RABGEF1: variants seen among roughly 807,000 people sequenced by gnomAD.
The protein encoded by RABGEF1 is rab5 GDP/GTP exchange factor.
Under a neutral mutation model 57.3 loss-of-function variants are expected in RABGEF1, and 26 were observed. The observed-to-expected ratio is 0.45, with a 90% CI of 0.33 to 0.63. RABGEF1 has a LOEUF of 0.63. Among genes scored for constraint, RABGEF1 ranks in the 20% least tolerant of loss-of-function variants. The probability of loss-of-function intolerance (pLI) is 0.02; values close to 1 mark genes in which losing one functional copy is unlikely to be tolerated. For synonymous variants in RABGEF1, 185 were observed against 210.7 expected (o/e 0.88, Z 1.06); for missense variants, 464 against 607.6 (o/e 0.76, Z 2.48).
At chr7:66,737,048 G>A (rs538497147), upstream of RABGEF1, among the ~76,000 whole-genome samples, 8 of 145,716 alleles carry the variant, frequency 5.5e-5, no homozygotes, top group Admixed American at 2.8e-4. Context: ...TATATATGAG[G>A]GGGGAGAGAG....
At chr7:66,709,508 G>A (rs1287900861) in intron 1 of RABGEF1, among the ~76,000 whole-genome samples, 1 of 152,006 alleles carries the variant, frequency 6.6e-6, no homozygotes, top group Non-Finnish European at 1.5e-5. Flanking sequence ...TTCAAATTGA[G>A]GCTGGGCGCA....
At chr7:66,757,514 C>G (rs1039066138) in intron 1 of RABGEF1, among the ~76,000 whole-genome samples, 1 of 152,202 alleles carries the variant, frequency 6.6e-6, no homozygotes, top group Non-Finnish European at 1.5e-5. Context: ...AAGTGCCTTT[C>G]GTGCAGTAAT....
intron 1 of RABGEF1, among the ~76,000 whole-genome samples, chr7:66,682,989 T>C (rs113047231): frequency 5.1e-3 from 776 of 152,166 alleles, no homozygotes; most frequent in Non-Finnish European, 7.9e-3. Flanking sequence ...CCAATCCTTG[T>C]GGTTGGGAAA....
chr7:66,797,167 G>A (rs750530809), intron 5 of RABGEF1, among the ~76,000 whole-genome samples: 21 of 151,714 alleles, frequency 1.4e-4, no homozygotes, highest in Non-Finnish European at 2.6e-4. Context: ...ATTCAGGCAT[G>A]GTGGCGTGTG....
chr7:66,700,112 C>T (rs1004690805), intron 1 of RABGEF1, among the ~76,000 whole-genome samples: 1 of 152,210 alleles, frequency 6.6e-6, no homozygotes, highest in Admixed American at 6.5e-5. Flanking sequence ...CTGAGCATCA[C>T]TGAGGCTTGG....
At chr7:66,765,533 G>A (rs1805481156) in intron 1 of RABGEF1, among the ~76,000 whole-genome samples, 1 of 152,080 alleles carries the variant, frequency 6.6e-6, no homozygotes, top group African/African-American at 2.4e-5. Flanking sequence ...ATCTGAGGAT[G>A]GGCGTGCACG....
chr7:66,778,296 C>A (rs922706100), intron 3 of RABGEF1, among the ~76,000 whole-genome samples: 1 of 149,394 alleles, frequency 6.7e-6, no homozygotes, highest in Non-Finnish European at 1.5e-5. Flanking sequence ...AGACAAAATA[C>A]AAATAACCTT....
At chr7:66,747,597 T>A (rs1166505923) in intron 1 of RABGEF1, among the ~76,000 whole-genome samples, 1 of 152,190 alleles carries the variant, frequency 6.6e-6, no homozygotes, top group African/African-American at 2.4e-5. Context: ...TGCTTTGCAG[T>A]TAAAAATACA....
intron 7 of RABGEF1, 74 bp from the exon 8 acceptor site, chr7:66,805,066 A>G (rs1788143131): frequency 6.1e-6 from 9 of 1,476,310 alleles, no homozygotes; most frequent in Non-Finnish European, 8.4e-6. Context: ...CTTTAGAGAT[A>G]AAACATGATT....
At chr7:66,765,659 A>G (rs1382719151) in intron 1 of RABGEF1, among the ~76,000 whole-genome samples, 1 of 152,168 alleles carries the variant, frequency 6.6e-6, no homozygotes, top group Non-Finnish European at 1.5e-5. Context: ...CTGTCCTGAT[A>G]CTCAGACCAC....
rs1269390205 is a variant in RABGEF1, at chr7:66,742,579, A to G, written c.-18+1787A>G. On this transcript the variant is annotated intron_variant, in intron 1 of 8. Coordinates refer to ENST00000284957, the MANE Select transcript of RABGEF1 (RefSeq NM_014504.3). ...GAGGGAGAGGGGGGAATCAAAGGAGAGGAGGCCAGTAACTACAAGGAGGTG... is the reference window on the plus strand; with the variant it reads ...GAGGGAGAGGGGGGAATCAAAGGAGGGGAGGCCAGTAACTACAAGGAGGTG... 3.3e-5 allele frequency among the ~76,000 whole-genome samples: 5 copies of G among 152,220 alleles called. No homozygotes were observed. The East Asian group carries it at 5.8e-4, about 18-fold the overall frequency.
intron 7 of RABGEF1, among the ~76,000 whole-genome samples, chr7:66,803,568 C>T (rs1239863997): frequency 1.3e-5 from 2 of 152,188 alleles, no homozygotes; most frequent in East Asian, 3.9e-4. Context: ...TGAGAGCCCA[C>T]TGCTTGGACT....
At chr7:66,762,392 A>G (rs934820653) in intron 1 of RABGEF1, among the ~76,000 whole-genome samples, 1 of 152,066 alleles carries the variant, frequency 6.6e-6, no homozygotes, top group Non-Finnish European at 1.5e-5. Flanking sequence ...GGAATTCGAG[A>G]TCAGCCTGGT....
intron 1 of RABGEF1, among the ~76,000 whole-genome samples, chr7:66,687,129 T>C (rs1442276892): frequency 2.1e-5 from 3 of 144,318 alleles, no homozygotes; most frequent in Admixed American, 7.0e-5. Context: ...TTTTTTTTTT[T>C]TTTTTTCTTT....
At chr7:66,753,956 C>T (rs1344492642) in intron 1 of RABGEF1, among the ~76,000 whole-genome samples, 6 of 148,996 alleles carry the variant, frequency 4.0e-5, no homozygotes, top group Non-Finnish European at 8.9e-5. Context: ...CCACCTGCCT[C>T]TGCCTCCCAA....
chr7:66,753,700 C>CTTTT (rs1562788670), intron 1 of RABGEF1, among the ~76,000 whole-genome samples: 6 of 78,542 alleles, frequency 7.6e-5, no homozygotes, highest in Admixed American at 1.4e-4. Context: ...ATTTTGCCAT[C>CTTTT]GTTTTTTTTT....
intron 5 of RABGEF1, chr7:66,796,637 A>G: frequency 4.4e-6 from 1 of 228,814 alleles, no homozygotes; most frequent in Middle Eastern, 1.8e-3. Context: ...CTGTCGTCCA[A>G]GCTGGAGTAC....
In RABGEF1 at chr7:66,806,640, CTTTT is replaced by C. The variant is rs71997947; in HGVS notation, c.1077+1262_1077+1265del. ...ATGAGATTAGAAGTACTCATATATC[CTTTT>C]TTTTTTTTTTTTTTTTTGAGATGGA... On this transcript the variant is annotated intron_variant, in intron 8 of 8. Transcript: ENST00000284957. 4.4e-5 allele frequency among the ~76,000 whole-genome samples: 5 copies of C among 114,616 alleles called. No homozygotes were observed. In the East Asian group the frequency reaches 1.0e-3, roughly 23 times the overall value. 75.2% of individuals were successfully genotyped at this position (114,616 alleles called of 152,430 possible).
At chr7:66,677,019 C>T in the RABGEF1 span, among the ~76,000 whole-genome samples, 15 of 152,154 alleles carry the variant, frequency 9.9e-5, no homozygotes, top group African/African-American at 3.6e-4. Flanking sequence ...TGAAGCTTTA[C>T]CTCCAGGTTT....
Sources: gnomAD v4.1 joint callset for allele counts (sites outside exome capture counted in the v4.1 genomes callset) on GRCh38, gnomAD v4.1.1 for gene constraint, MANE v1.5 for transcripts, NCBI Gene and HGNC (gene_info 2026-07-23, HGNC 2026-07-21) for gene names.